Variants in ABL1 observed in about 807,000 individuals in gnomAD.
ABL1 encodes the protein ABL proto-oncogene 1, non-receptor tyrosine kinase, also known as tyrosine-protein kinase ABL1.
ABL1 carries 11 observed loss-of-function variants against 94.7 expected under a neutral mutation model. That is an observed-to-expected ratio of 0.12 (90% confidence interval 0.07 to 0.19). The LOEUF is 0.19. Ranked by LOEUF, ABL1 falls within the 10% of genes least tolerant of loss-of-function variation. The pLI is 1.00. For synonymous variants in ABL1, 656 were observed against 622.4 expected (o/e 1.05, Z -0.80); for missense variants, 1,082 against 1,489.4 (o/e 0.73, Z 4.50).
intron 1 of ABL1, among the ~76,000 whole-genome samples, chr9:130,718,365 T>G (rs997267264): frequency 6.6e-6 from 1 of 151,668 alleles, no homozygotes; most frequent in Non-Finnish European, 1.5e-5. Flanking sequence ...TGTTTTGATG[T>G]AGCATCAAAG....
intron 1 of ABL1, among the ~76,000 whole-genome samples, chr9:130,760,644 A>C (rs1449115309): frequency 6.6e-6 from 1 of 151,780 alleles, no homozygotes; most frequent in African/African-American, 2.4e-5. Context: ...ACTTTTTGGG[A>C]GACTAGATTT....
intron 1 of ABL1, among the ~76,000 whole-genome samples, chr9:130,827,417 G>A (rs1434255850): frequency 7.2e-5 from 11 of 152,098 alleles, no homozygotes; most frequent in Admixed American, 6.6e-5. Flanking sequence ...CCCCTTCCAC[G>A]CATACAAAAC....
chr9:130,758,241 A>G (rs1564281545), intron 1 of ABL1, among the ~76,000 whole-genome samples: 1 of 151,294 alleles, frequency 6.6e-6, no homozygotes, highest in Non-Finnish European at 1.5e-5. Context: ...GCTCACTGCA[A>G]CCTCCACCTC....
rs1441673713 is a variant in ABL1 at position 130,750,198 on chromosome 9, T to TATAC, written c.136+35746_136+35747insCATA. Among the ~76,000 whole-genome samples the TATAC allele has an allele frequency of 1.8e-3, 33 of 18,508 alleles. No homozygotes were observed. In the African/African-American group the frequency reaches 0.023, roughly 13 times the overall value. 12.1% of individuals were successfully genotyped at this position (18,508 alleles called of 152,430 possible). Reference sequence around the variant, plus strand: ...ACTCAAGAAAAAAAAAATACATATATATATATATATATATATATATATATA... The same window carrying TATAC: ...ACTCAAGAAAAAAAAAATACATATATATACATATATATATATATATATATATATA... On this transcript the variant is annotated intron_variant, in intron 1 of 10. Transcript: ENST00000372348.
chr9:130,780,555 C>G (rs963736496), intron 1 of ABL1, among the ~76,000 whole-genome samples: 11 of 152,174 alleles, frequency 7.2e-5, no homozygotes, highest in Non-Finnish European at 7.3e-5. Flanking sequence ...GTACTCGTAC[C>G]TGCTATTTCT....
At chr9:130,820,870 T>C (rs918295642) in intron 1 of ABL1, among the ~76,000 whole-genome samples, 4 of 152,190 alleles carry the variant, frequency 2.6e-5, no homozygotes, top group Non-Finnish European at 5.9e-5. Context: ...CATTTGAATG[T>C]TCAATTCAAT....
intron 1 of ABL1, among the ~76,000 whole-genome samples, chr9:130,772,208 C>A (rs1232178287): frequency 6.6e-6 from 1 of 152,180 alleles, no homozygotes; most frequent in Admixed American, 6.5e-5. Flanking sequence ...GGATTTCAGT[C>A]ATTTACATCG....
upstream of ABL1, chr9:130,833,912 CAT>C (rs1830524341): frequency 4.7e-6 from 2 of 423,964 alleles, no homozygotes; most frequent in Non-Finnish European, 9.8e-6. Flanking sequence ...TTCTCTGAAA[CAT>C]ATAATGACAA....
chr9:130,799,572 A>G (rs778409219), intron 1 of ABL1, among the ~76,000 whole-genome samples: 9 of 152,178 alleles, frequency 5.9e-5, no homozygotes, highest in Non-Finnish European at 1.0e-4. Context: ...AAAAATACGG[A>G]TTAGATAATG....
chr9:130,805,108 G>C (rs146778201), intron 1 of ABL1, among the ~76,000 whole-genome samples: 1 of 152,060 alleles, frequency 6.6e-6, no homozygotes, highest in Non-Finnish European at 1.5e-5. Context: ...ACAGAGTCTC[G>C]CACTGTCACC....
intron 1 of ABL1, among the ~76,000 whole-genome samples, chr9:130,772,942 C>A: frequency 6.6e-6 from 1 of 152,142 alleles, no homozygotes; most frequent in East Asian, 1.9e-4. Flanking sequence ...AATACTTAGA[C>A]CTGATCCCTA....
intron 1 of ABL1, among the ~76,000 whole-genome samples, chr9:130,735,961 A>ATATATATATATATTTTTTTT (rs573602038): frequency 1.1e-5 from 1 of 94,884 alleles, no homozygotes; most frequent in East Asian, 4.1e-4. Context: ...ATATATATAT[A>ATATATATATATATTTTTTTT]TTTTTTTTTT....
chr9:130,850,912 T>G (rs4740373), intron 1 of ABL1, among the ~76,000 whole-genome samples: 7 of 135,782 alleles, frequency 5.2e-5, no homozygotes, highest in Admixed American at 3.1e-4. Context: ...TTTTGTTTGT[T>G]TTTGTTTGTT....
Position 130,885,745 on chromosome 9 carries a change from C to T in ABL1, c.*62C>T, listed in dbSNP as rs1170614111. On this transcript the variant is annotated 3_prime_UTR_variant, in exon 11 of 11. Coordinates refer to ENST00000318560, the MANE Select transcript of ABL1 (RefSeq NM_005157.6). ...TGCCTGCAGCACATGCGGGCTCGCCCATACCCGTGACAGTGGCTGACAAGG... is the reference window on the plus strand; with the variant it reads ...TGCCTGCAGCACATGCGGGCTCGCCTATACCCGTGACAGTGGCTGACAAGG... 3.2e-6 allele frequency: 5 copies of T among 1,541,908 alleles called. No individual in the cohort carries two copies. In the African/African-American group the frequency reaches 6.8e-5, roughly 21 times the overall value.
upstream of ABL1, among the ~76,000 whole-genome samples, chr9:130,832,337 A>G (rs1379204877): frequency 1.3e-5 from 2 of 151,924 alleles, no homozygotes; most frequent in African/African-American, 2.4e-5. Context: ...CTCAAAAAAA[A>G]AAAAAATCTT....
Position 130,863,980 on chromosome 9 carries a change from T to A in ABL1, c.822+945T>A, listed in dbSNP as rs1384698031. On this transcript the variant is annotated intron_variant, in intron 4 of 10. Coordinates refer to ENST00000318560, the MANE Select transcript of ABL1 (RefSeq NM_005157.6). This position sits in a 1 kb window ranked among gnomAD's most constrained non-coding sequence, Gnocchi z 4.3. ...AGAAGTCAGGTGCACACATTGAGAC[T>A]GGTGCAGCCACATGCCTGCCTTTTA... Among the ~76,000 whole-genome samples the A allele has an allele frequency of 1.3e-5, 2 of 152,216 alleles. No homozygotes were observed. The highest frequency in any genetic ancestry group is 2.9e-5 in the Non-Finnish European group (2 of 68,040).
At chr9:130,724,961 C>A in intron 1 of ABL1, 1 of 329,432 alleles carries the variant, frequency 3.0e-6, no homozygotes, top group Non-Finnish European at 6.2e-6. Flanking sequence ...AGGTAGACTT[C>A]GGAAGGTGAC....
intron 1 of ABL1, among the ~76,000 whole-genome samples, chr9:130,819,353 C>T (rs2132874462): frequency 6.6e-6 from 1 of 151,750 alleles, no homozygotes; most frequent in Non-Finnish European, 1.5e-5. Flanking sequence ...GACTCCATCT[C>T]AAAAATAAAT....
At chr9:130,827,964 T>TA (rs61348238) in intron 1 of ABL1, among the ~76,000 whole-genome samples, 38,266 of 146,086 alleles carry the variant, frequency 0.26, 6,947 homozygotes, top group African/African-American at 0.53. Flanking sequence ...AAATACTGCT[T>TA]AAAAAAAAAA....
Sources: gnomAD v4.1 joint callset for allele counts (sites outside exome capture counted in the v4.1 genomes callset) on GRCh38, gnomAD v4.1.1 for gene constraint, Gnocchi (gnomAD v3.1) non-coding constraint, MANE v1.5 for transcripts, NCBI Gene and HGNC (gene_info 2026-07-23, HGNC 2026-07-21) for gene names.